The following KCNK9 variants were observed in gnomAD, a reference collection of about 807,000 sequenced individuals.
KCNK9 encodes potassium channel subfamily K member 9.
Under a neutral mutation model 10.8 loss-of-function variants are expected in KCNK9, and 1 was observed. That is an observed-to-expected ratio of 0.09 (90% CI 0.03 to 0.44). The LOEUF (loss-of-function observed/expected upper bound fraction) is 0.44, where lower values mean the gene tolerates loss of function less well. KCNK9 is among the 20% of genes least tolerant of loss of function. The probability of loss-of-function intolerance (pLI) is 0.97; values close to 1 mark genes in which losing one functional copy is unlikely to be tolerated. For synonymous variants in KCNK9, 231 were observed against 222.7 expected (o/e 1.04, Z -0.33); for missense variants, 303 against 515.0 (o/e 0.59, Z 3.98).
intron 1 of KCNK9, among the ~76,000 whole-genome samples, chr8:139,639,093 C>T (rs764875797): frequency 6.6e-6 from 1 of 152,164 alleles, no homozygotes; most frequent in Non-Finnish European, 1.5e-5. Context: ...GTCACTCCTG[C>T]GCCGCCCCTT....
At chr8:139,602,931 T>A (rs1266878419) in intron 2 of KCNK9, among the ~76,000 whole-genome samples, 2 of 152,210 alleles carry the variant, frequency 1.3e-5, no homozygotes, top group African/African-American at 4.8e-5. Context: ...AGTCATGCCC[T>A]CTTTGTCACC....
At chr8:139,634,884 A>G (rs1815292057) in intron 1 of KCNK9, among the ~76,000 whole-genome samples, 1 of 152,142 alleles carries the variant, frequency 6.6e-6, no homozygotes, top group Non-Finnish European at 1.5e-5. Context: ...GGTGTTTTAC[A>G]AAGAGCTTCT....
At chr8:139,697,347 TTGGA>T (rs75812728) in intron 1 of KCNK9, among the ~76,000 whole-genome samples, 2,628 of 143,760 alleles carry the variant, frequency 0.018, 84 homozygotes, top group African/African-American at 0.063. Flanking sequence ...GAGTGGATGG[TTGGA>T]TGGATGGATG....
At chr8:139,675,325 C>T (rs1816524439) in intron 1 of KCNK9, among the ~76,000 whole-genome samples, 2 of 152,236 alleles carry the variant, frequency 1.3e-5, no homozygotes, top group African/African-American at 4.8e-5. Context: ...AAACGTATTC[C>T]ACGCTCTGCA....
chr8:139,640,748 C>G (rs1263807018), intron 1 of KCNK9, among the ~76,000 whole-genome samples: 1 of 152,198 alleles, frequency 6.6e-6, no homozygotes, highest in African/African-American at 2.4e-5. Context: ...AAAATCCCAC[C>G]ATCTTCATTT....
intron 1 of KCNK9, among the ~76,000 whole-genome samples, chr8:139,651,124 C>T (rs1463494349): frequency 2.6e-5 from 4 of 152,162 alleles, no homozygotes; most frequent in Non-Finnish European, 5.9e-5. Flanking sequence ...TTTTCCATCC[C>T]CTTCTGCTTC....
chr8:139,632,913 T>A (rs1279654443), intron 1 of KCNK9, among the ~76,000 whole-genome samples: 1 of 152,036 alleles, frequency 6.6e-6, no homozygotes, highest in Non-Finnish European at 1.5e-5. Context: ...AGCACAGAAG[T>A]TGAACCTGGA....
chr8:139,672,272 C>A (rs1816446659), intron 1 of KCNK9, among the ~76,000 whole-genome samples: 1 of 152,156 alleles, frequency 6.6e-6, no homozygotes, highest in South Asian at 2.1e-4. Context: ...CAGGGGAGGG[C>A]CTCGGGGCTG....
intron 1 of KCNK9, among the ~76,000 whole-genome samples, chr8:139,646,644 G>A (rs1317075013): frequency 5.3e-5 from 8 of 152,184 alleles, no homozygotes; most frequent in African/African-American, 1.9e-4. Context: ...GGAAAAACAG[G>A]GATGCCAGGG....
downstream of KCNK9, among the ~76,000 whole-genome samples, chr8:139,613,298 A>T (rs1333824772): frequency 6.6e-6 from 1 of 152,170 alleles, no homozygotes. Flanking sequence ...TAATTCTGGG[A>T]TCTTCAACAT....
intron 1 of KCNK9, among the ~76,000 whole-genome samples, chr8:139,662,748 T>G (rs2129709976): frequency 1.3e-5 from 2 of 151,800 alleles, no homozygotes; most frequent in Middle Eastern, 6.8e-3. Context: ...GAACAGACAC[T>G]GTGCCAGCCC....
chr8:139,665,035 G>A (rs1586675490), intron 1 of KCNK9, among the ~76,000 whole-genome samples: 2 of 152,122 alleles, frequency 1.3e-5, no homozygotes, highest in Admixed American at 6.5e-5. Context: ...AGGCCCAGGC[G>A]GCCACACAGC....
intron 1 of KCNK9, among the ~76,000 whole-genome samples, chr8:139,621,325 GAC>G (rs1321336936): frequency 6.7e-6 from 1 of 149,614 alleles, no homozygotes; most frequent in Non-Finnish European, 1.5e-5. Flanking sequence ...TTTGATGAAA[GAC>G]ACAAACTTAT....
At chr8:139,653,029 GC>G (rs975659915) in intron 1 of KCNK9, among the ~76,000 whole-genome samples, 3 of 152,172 alleles carry the variant, frequency 2.0e-5, no homozygotes, top group African/African-American at 7.2e-5. Flanking sequence ...CCTTGTAGGG[GC>G]CCCCCTTCTG....
intron 1 of KCNK9, among the ~76,000 whole-genome samples, chr8:139,624,983 C>T (rs1814919685): frequency 6.6e-6 from 1 of 152,224 alleles, no homozygotes; most frequent in African/African-American, 2.4e-5. Flanking sequence ...GAGGACCCCT[C>T]TACTTCCTCA....
intron 1 of KCNK9, among the ~76,000 whole-genome samples, chr8:139,696,248 G>C (rs1817049256): frequency 6.6e-6 from 1 of 152,142 alleles, no homozygotes; most frequent in Admixed American, 6.5e-5. Context: ...CTAGCTTCGG[G>C]GGTTCTGGGG....
chr8:139,642,606 G>A (rs1815537802), intron 1 of KCNK9, among the ~76,000 whole-genome samples: 2 of 152,188 alleles, frequency 1.3e-5, no homozygotes, highest in Admixed American at 6.5e-5. Context: ...ACACCTGGCC[G>A]GGCACACCCA....
intron 1 of KCNK9, among the ~76,000 whole-genome samples, chr8:139,698,203 T>C (rs1311383352): frequency 6.6e-6 from 1 of 152,166 alleles, no homozygotes; most frequent in Non-Finnish European, 1.5e-5. Context: ...CTTATCTGCG[T>C]CAGGTTCCTC....
chr8:139,624,025 G>A (rs550817471), intron 1 of KCNK9, among the ~76,000 whole-genome samples: 1 of 152,230 alleles, frequency 6.6e-6, no homozygotes, highest in African/African-American at 2.4e-5. Context: ...CTAACCCGAT[G>A]CCTGGCACCC....
Sources: gnomAD v4.1 joint callset for allele counts (sites outside exome capture counted in the v4.1 genomes callset) on GRCh38, gnomAD v4.1.1 for gene constraint, MANE v1.5 for transcripts, NCBI Gene and HGNC (gene_info 2026-07-23, HGNC 2026-07-21) for gene names.